ANKRD44: variants seen among roughly 807,000 people sequenced by gnomAD.
The protein encoded by ANKRD44 is serine/threonine-protein phosphatase 6 regulatory ankyrin repeat subunit B.
In ANKRD44, 35 loss-of-function variants were observed where a neutral mutation model predicts 116.0. The observed-to-expected ratio is 0.30, with a 90% CI of 0.23 to 0.40. The LOEUF (loss-of-function observed/expected upper bound fraction) is 0.40, where lower values mean the gene tolerates loss of function less well. Ranked by LOEUF, ANKRD44 falls within the 10% of genes least tolerant of loss-of-function variation. The pLI is 1.00. For synonymous variants in ANKRD44, 435 were observed against 461.8 expected, an observed-to-expected ratio of 0.94 and a Z score of 0.74; for missense variants, 1,014 against 1,242.6, an observed-to-expected ratio of 0.82 and a Z score of 2.77.
intron 16 of ANKRD44, among the ~76,000 whole-genome samples, chr2:197,068,947 G>GGATT (rs1259841866): frequency 6.6e-6 from 1 of 152,114 alleles, no homozygotes; most frequent in Non-Finnish European, 1.5e-5. Flanking sequence ...CCCATTACTG[G>GGATT]GTATATACCC....
intron 8 of ANKRD44, among the ~76,000 whole-genome samples, chr2:197,112,127 A>G (rs2078582984): frequency 6.6e-6 from 1 of 152,210 alleles, no homozygotes; most frequent in Admixed American, 6.5e-5. Context: ...ATTTTAGAAT[A>G]AAAGTATCCC....
intron 1 of ANKRD44, among the ~76,000 whole-genome samples, chr2:197,228,205 C>A (rs1445539828): frequency 6.6e-6 from 1 of 152,164 alleles, no homozygotes; most frequent in Non-Finnish European, 1.5e-5. Flanking sequence ...TAGTGGCTGG[C>A]ATATAGTAAG....
At chr2:197,232,704 C>G (rs906708249) in intron 1 of ANKRD44, among the ~76,000 whole-genome samples, 1 of 152,176 alleles carries the variant, frequency 6.6e-6, no homozygotes, top group Non-Finnish European at 1.5e-5. Context: ...AAAAGGTTCT[C>G]TTAATGGCAG....
intron 1 of ANKRD44, among the ~76,000 whole-genome samples, chr2:197,245,183 C>G (rs2082165261): frequency 6.6e-6 from 1 of 152,112 alleles, no homozygotes; most frequent in African/African-American, 2.4e-5. Flanking sequence ...TCACTTGAAC[C>G]CAGGAGGTGA....
At chr2:197,238,768 G>A (rs1239229535) in intron 1 of ANKRD44, among the ~76,000 whole-genome samples, 2 of 151,558 alleles carry the variant, frequency 1.3e-5, no homozygotes, top group Admixed American at 6.6e-5. Context: ...GCAGTGGTAC[G>A]ATCTCAGCTC....
chr2:197,020,805 T>A (rs2076482158), intron 17 of ANKRD44, among the ~76,000 whole-genome samples: 1 of 145,998 alleles, frequency 6.8e-6, no homozygotes, highest in Admixed American at 6.7e-5. Context: ...TGGAGTTTTT[T>A]ATTATTATTA....
chr2:197,122,799 A>C lies in ANKRD44; in HGVS notation c.551-7T>G. ...GCTACAACATCCAAGTGGCCTTTAC[A>C]AACAAAGCAGCAGAAAACATCGTTA... On this transcript the variant is annotated splice_polypyrimidine_tract_variant and splice_region_variant and intron_variant, in intron 6 of 27. Transcript: ENST00000282272. 1 of 1,611,634 alleles carries C rather than the reference A, an allele frequency of 6.2e-7. No individual in the cohort carries two copies. Among genetic ancestry groups the C allele is most frequent in the Non-Finnish European group, 8.5e-7 (1 of 1,179,168 alleles).
intron 1 of ANKRD44, among the ~76,000 whole-genome samples, chr2:197,284,197 AC>A (rs2083341188): frequency 6.6e-6 from 1 of 152,166 alleles, no homozygotes; most frequent in Non-Finnish European, 1.5e-5. Flanking sequence ...AGTGAAATCC[AC>A]TTGCAAAGAA....
intron 4 of ANKRD44, among the ~76,000 whole-genome samples, chr2:197,131,690 C>T (rs532259805): frequency 6.6e-6 from 1 of 152,182 alleles, no homozygotes; most frequent in African/African-American, 2.4e-5. Flanking sequence ...GCACCTGGGA[C>T]GGGCCAGCCA....
In ANKRD44 at chr2:197,203,842, A is replaced by G. The variant is rs1160220215; in HGVS notation, c.28-16736T>C. Among the ~76,000 whole-genome samples, 2 of 152,232 alleles carry G rather than the reference A, an allele frequency of 1.3e-5. No individual in the cohort carries two copies. ...AACATGGATGAACCTTGGAAACATT[A>G]TGCTAAGTGCAAGAAGCCAGACACA... is the stretch of plus-strand genomic sequence containing the variant. On this transcript the variant is annotated intron_variant, in intron 1 of 27. Transcript: ENST00000282272. This position sits in a 1 kb window ranked among gnomAD's most constrained non-coding sequence, Gnocchi z 4.1.
rs1423125451 is a variant in ANKRD44 at position 197,007,897 on chromosome 2, T to C, written c.2039A>G (p.Tyr680Cys). 1.2e-6 allele frequency: 2 copies of C among 1,613,928 alleles called. No homozygotes were observed. The highest frequency in any genetic ancestry group is 8.5e-7 in the Non-Finnish European group (1 of 1,179,860). Residue 680 changes from tyrosine to cysteine, a missense_variant, in exon 20 of 28, where the codon TAT (tyrosine) becomes TGT (cysteine). Coordinates refer to ENST00000282272, the MANE Select transcript of ANKRD44 (RefSeq NM_001195144.2). Reference sequence around the variant, plus strand: ...CAATGAAACAGCGTCAATATGTCCATATGCTACTGCAAGCATCAGTGGTGT... The same window carrying C: ...CAATGAAACAGCGTCAATATGTCCACATGCTACTGCAAGCATCAGTGGTGT... Reference protein sequence around the residue: ...GQTPLMLAVAYGHIDAVSLLL... With the variant: ...GQTPLMLAVACGHIDAVSLLL...
intron 3 of ANKRD44, among the ~76,000 whole-genome samples, chr2:197,140,331 A>C (rs2079330724): frequency 6.6e-6 from 1 of 151,302 alleles, no homozygotes; most frequent in Admixed American, 6.6e-5. Flanking sequence ...ATATTGTTTA[A>C]ATTTTTTAGA....
intron 2 of ANKRD44, among the ~76,000 whole-genome samples, chr2:197,171,533 G>T (rs1160229306): frequency 6.6e-6 from 1 of 152,202 alleles, no homozygotes; most frequent in African/African-American, 2.4e-5. Context: ...AGTGAAACAG[G>T]AGAAGGAAGG....
intron 1 of ANKRD44, among the ~76,000 whole-genome samples, chr2:197,289,597 C>T (rs1007100876): frequency 6.6e-6 from 1 of 152,198 alleles, no homozygotes; most frequent in African/African-American, 2.4e-5. Flanking sequence ...AATCCTTATG[C>T]TGAGCAAAAG....
chr2:197,249,005 G>A (rs2082258701), intron 1 of ANKRD44, among the ~76,000 whole-genome samples: 2 of 152,294 alleles, frequency 1.3e-5, no homozygotes, highest in Admixed American at 1.3e-4. Flanking sequence ...GAGTGAGGTG[G>A]CTCATACCTG....
chr2:197,225,379 T>C (rs1165327296), intron 1 of ANKRD44, among the ~76,000 whole-genome samples: 1 of 152,246 alleles, frequency 6.6e-6, no homozygotes, highest in African/African-American at 2.4e-5. Context: ...AGTCTCGCTC[T>C]GTCACCCAGG....
At chr2:197,282,146 G>A (rs1016088812) in intron 1 of ANKRD44, among the ~76,000 whole-genome samples, 23 of 152,090 alleles carry the variant, frequency 1.5e-4, no homozygotes, top group Admixed American at 2.6e-4. Flanking sequence ...CCAGCTACTC[G>A]GGAGGCTGAG....
At chr2:197,254,706 T>C (rs1479835647) in intron 1 of ANKRD44, among the ~76,000 whole-genome samples, 1 of 151,648 alleles carries the variant, frequency 6.6e-6, no homozygotes, top group Admixed American at 6.6e-5. Context: ...TAGGAGTATG[T>C]TCCACCTTAC....
At chr2:197,043,180 A>C (rs890659451) in intron 16 of ANKRD44, among the ~76,000 whole-genome samples, 5 of 152,216 alleles carry the variant, frequency 3.3e-5, no homozygotes, top group African/African-American at 1.2e-4. Context: ...GTTGACTAAA[A>C]TTAAGTTTTT....
Sources: allele counts gnomAD v4.1 joint callset (sites outside exome capture counted in the v4.1 genomes callset), GRCh38; gene constraint gnomAD v4.1.1; non-coding constraint Gnocchi (gnomAD v3.1); transcripts MANE v1.5; gene names NCBI Gene and HGNC (gene_info 2026-07-23, HGNC 2026-07-21).